Variants in KLHL5 observed in about 807,000 individuals in gnomAD.
KLHL5 encodes the protein kelch like family member 5.
A neutral mutation model predicts 77.7 loss-of-function variants in KLHL5; 48 were observed. The ratio of observed to expected loss-of-function variants is 0.62; its 90% CI spans 0.49 to 0.79. The LOEUF (loss-of-function observed/expected upper bound fraction) is 0.79. Ranked by LOEUF, KLHL5 falls within the 30% of genes least tolerant of loss-of-function variation. KLHL5 has a pLI of 0.00. For synonymous variants in KLHL5, 260 were observed against 297.0 expected, an observed-to-expected ratio of 0.88 and a Z score of 1.28; for missense variants, 723 against 859.7, an observed-to-expected ratio of 0.84 and a Z score of 1.99.
At chr4:39,141,466 G>A in the KLHL5 span, among the ~76,000 whole-genome samples, 26 of 151,730 alleles carry the variant, frequency 1.7e-4, no homozygotes, top group African/African-American at 5.8e-4. Context: ...CCGCCACCAC[G>A]CCAGGCTAAT....
At chr4:39,139,212 A>G in the KLHL5 span, among the ~76,000 whole-genome samples, 81,591 of 150,298 alleles carry the variant, frequency 0.54, 22,429 homozygotes, top group Admixed American at 0.6. Flanking sequence ...AATCCAGGAG[A>G]CGGAGGTTGC....
chr4:39,053,068 C>T (rs1560402209), intron 1 of KLHL5, among the ~76,000 whole-genome samples: 1 of 152,146 alleles, frequency 6.6e-6, no homozygotes, highest in Non-Finnish European at 1.5e-5. Context: ...GCAAGCTAGG[C>T]AGTTTCTTTA....
At chr4:39,129,493 T>C (rs1006518406), downstream of KLHL5, among the ~76,000 whole-genome samples, 20 of 152,136 alleles carry the variant, frequency 1.3e-4, no homozygotes, top group South Asian at 8.3e-4. The surrounding 1 kb of genome is among the most constrained non-coding windows in gnomAD (Gnocchi z 4.2). Context: ...CAGGCATGAG[T>C]CACTGTGCCT....
chr4:39,103,052 A>G (rs1340109496), intron 6 of KLHL5, among the ~76,000 whole-genome samples: 2 of 152,016 alleles, frequency 1.3e-5, no homozygotes, highest in African/African-American at 2.4e-5. Context: ...CTCCTTTGAC[A>G]GTTAATCCTT....
intron 1 of KLHL5, among the ~76,000 whole-genome samples, chr4:39,056,652 C>T (rs1303038023): frequency 2.0e-5 from 3 of 152,090 alleles, no homozygotes; most frequent in Non-Finnish European, 2.9e-5. Flanking sequence ...TTTAAATTTC[C>T]GGTTTCTTAA....
At chr4:39,067,411 T>C (rs1194792975) in intron 1 of KLHL5, among the ~76,000 whole-genome samples, 2 of 151,340 alleles carry the variant, frequency 1.3e-5, no homozygotes, top group African/African-American at 4.9e-5. Context: ...CTTACCACTG[T>C]TGGTAGTGAC....
intron 1 of KLHL5, among the ~76,000 whole-genome samples, chr4:39,050,039 C>A (rs572586241): frequency 6.8e-4 from 103 of 152,126 alleles, no homozygotes; most frequent in Non-Finnish European, 1.2e-3. Flanking sequence ...CACGCCACTG[C>A]ACTTCATCCT....
At chr4:39,128,345 A>G (rs2566163), downstream of KLHL5, among the ~76,000 whole-genome samples, 118,142 of 151,918 alleles carry the variant, frequency 0.78, 45,930 homozygotes, top group East Asian at 0.83. Context: ...GAATCCTTGC[A>G]GCTTCCTTGT....
the KLHL5 span, among the ~76,000 whole-genome samples, chr4:39,141,384 C>T: frequency 1.4e-5 from 2 of 140,896 alleles, no homozygotes; most frequent in Admixed American, 7.7e-5. Flanking sequence ...TCTCGGCTCA[C>T]TGCAAGCTCC....
intron 1 of KLHL5, among the ~76,000 whole-genome samples, chr4:39,045,287 C>T (rs1204203976): frequency 2.7e-5 from 4 of 150,372 alleles, no homozygotes; most frequent in Admixed American, 1.3e-4. Context: ...GGCCTCCGCA[C>T]ACCGCGCCCG....
At chr4:39,108,327 A>G (rs1424402649) in intron 8 of KLHL5, among the ~76,000 whole-genome samples, 1 of 152,080 alleles carries the variant, frequency 6.6e-6, no homozygotes, top group African/African-American at 2.4e-5. Context: ...TTCTTCCATA[A>G]AATGAAGCTG....
chr4:39,069,757 C>CT (rs892482931), intron 1 of KLHL5, among the ~76,000 whole-genome samples: 9 of 151,300 alleles, frequency 5.9e-5, no homozygotes, highest in East Asian at 1.9e-4. Flanking sequence ...TTGTAGCCTG[C>CT]TTTTTTTTGC....
At position 39,096,721 on chromosome 4, in the gene KLHL5, T is replaced by A; in HGVS notation, c.1143T>A (p.Leu381=). The A allele has an allele frequency of 6.2e-7, 1 of 1,612,954 alleles. No homozygotes were observed. The highest frequency in any genetic ancestry group is 8.5e-7 in the Non-Finnish European group (1 of 1,179,024). The change falls in exon 6 of 11, where the codon CTT becomes CTA. Residue 381 remains leucine (L), a synonymous_variant. Transcript: ENST00000504108. ...TGGCAGACATGGAAAATAATGTACT[T>A]TTTCGGGATGATATAGAATGTCAGA... The part of the protein sequence containing the change: ...QFLADMENNV[L]FRDDIECQKL...
chr4:39,069,471 TATACACAC>T (rs1228078945), intron 1 of KLHL5, among the ~76,000 whole-genome samples: 5 of 69,904 alleles, frequency 7.2e-5, no homozygotes, highest in Admixed American at 2.9e-4. Context: ...TATATATATA[TATACACAC>T]ACACACACAC....
At chr4:39,050,519 A>G (rs1369975767) in intron 1 of KLHL5, among the ~76,000 whole-genome samples, 1 of 152,032 alleles carries the variant, frequency 6.6e-6, no homozygotes, top group Non-Finnish European at 1.5e-5. Flanking sequence ...CTATTGATTA[A>G]TTTTTCTCTA....
chr4:39,111,299 T>G (rs1722441299), intron 8 of KLHL5, among the ~76,000 whole-genome samples: 1 of 152,238 alleles, frequency 6.6e-6, no homozygotes, highest in Non-Finnish European at 1.5e-5. Context: ...GCAGGATTTA[T>G]AGATGATGAA....
In KLHL5 at chr4:39,125,271, AAC is replaced by A. The variant is rs1425036420; in HGVS notation, c.*4207_*4208del. On this transcript the variant is annotated 3_prime_UTR_variant, in exon 11 of 11. Coordinates refer to ENST00000504108, the MANE Select transcript of KLHL5 (RefSeq NM_015990.5). Reference sequence around the variant, plus strand: ...GTTAAATGGTGTAGCCACTGTGGAAAACAGTTTGGCAGTTCCTCAATAAGTTA... The same window carrying A: ...GTTAAATGGTGTAGCCACTGTGGAAAAGTTTGGCAGTTCCTCAATAAGTTA... 2.8e-5 allele frequency among the ~76,000 whole-genome samples: 4 copies of A among 141,602 alleles called. No homozygotes were observed. The highest frequency in any genetic ancestry group is 4.7e-5 in the Non-Finnish European group (3 of 63,252). 92.9% of individuals were successfully genotyped at this position (141,602 alleles called of 152,430 possible). A position where few individuals can be genotyped will look rare whatever the true frequency, so the allele number is the denominator to read the frequency against.
intron 1 of KLHL5, among the ~76,000 whole-genome samples, chr4:39,074,316 G>A (rs1718794395): frequency 6.6e-6 from 1 of 152,204 alleles, no homozygotes; most frequent in African/African-American, 2.4e-5. Flanking sequence ...ATATTTATCA[G>A]TTAAGGCACT....
chr4:39,096,703 C>T lies in KLHL5; in HGVS notation c.1125C>T (p.Asp375=). ...LPLLAPQFLA[D]MENNVLFRDD... ...CTATTCTTTTCTAGTTCCTGGCAGA[C>T]ATGGAAAATAATGTACTTTTTCGGG... is the stretch of plus-strand genomic sequence containing the variant. The change falls in exon 6 of 11, where the codon GAC becomes GAT. Residue 375 remains aspartate, a synonymous_variant. Transcript: ENST00000504108. 6.2e-7 allele frequency: 1 copy of T among 1,610,302 alleles called. No individual in the cohort carries two copies. The highest frequency in any genetic ancestry group is 1.1e-5 in the South Asian group (1 of 90,966).
Sources: gnomAD v4.1 joint callset for allele counts (sites outside exome capture counted in the v4.1 genomes callset) on GRCh38, gnomAD v4.1.1 for gene constraint, Gnocchi (gnomAD v3.1) non-coding constraint, MANE v1.5 for transcripts, NCBI Gene and HGNC (gene_info 2026-07-23, HGNC 2026-07-21) for gene names.